The following DCC variants were observed in gnomAD, a reference collection of about 807,000 sequenced individuals.
DCC encodes netrin receptor DCC.
A neutral mutation model predicts 172.5 loss-of-function variants in DCC; 58 were observed. The ratio of observed to expected loss-of-function variants is 0.34; its 90% CI spans 0.27 to 0.42. The LOEUF (loss-of-function observed/expected upper bound fraction) is 0.42. DCC is among the 10% of genes least tolerant of loss of function. The pLI, the probability that DCC is intolerant of heterozygous loss-of-function variation, is 1.00. For missense variants in DCC, 1,740 were observed against 1,791.0 expected, an observed-to-expected ratio of 0.97 and a Z score of 0.51; for synonymous variants, 709 against 644.5, an observed-to-expected ratio of 1.10 and a Z score of -1.52.
At chr18:52,784,910 G>A (rs958204680) in intron 2 of DCC, among the ~76,000 whole-genome samples, 2 of 144,002 alleles carry the variant, frequency 1.4e-5, no homozygotes, top group Non-Finnish European at 3.0e-5. Flanking sequence ...GGTGGAGGGG[G>A]AGAGAGAGAG....
At chr18:53,477,125 C>A (rs990935701) in intron 25 of DCC, among the ~76,000 whole-genome samples, 1 of 152,170 alleles carries the variant, frequency 6.6e-6, no homozygotes, top group African/African-American at 2.4e-5. Flanking sequence ...CTTCCTGCCT[C>A]AGCCCCCTGA....
intron 17 of DCC, among the ~76,000 whole-genome samples, chr18:53,395,015 G>A (rs756441317): frequency 2.6e-5 from 4 of 151,720 alleles, no homozygotes; most frequent in African/African-American, 9.7e-5. Flanking sequence ...GTGGTGGGGG[G>A]GCGGGGCGCC....
At position 53,364,472 on chromosome 18, in the gene DCC, G is replaced by T. The variant is rs556525944; in HGVS notation, c.2360-21571G>T. Among the ~76,000 whole-genome samples, 5 of 152,096 alleles carry T rather than the reference G, an allele frequency of 3.3e-5. No individual in the cohort carries two copies. In the East Asian group the frequency reaches 9.7e-4, roughly 29 times the overall value. On this transcript the variant is annotated intron_variant, in intron 15 of 28. Transcript: ENST00000442544. The stretch of plus-strand genomic sequence containing the variant: ...GATTTTCTCATGAGAAAGAAATGAA[G>T]TATGATCAGAGAGAGAACACTGTGA...
chr18:52,704,935 G>A (rs754414475), intron 1 of DCC, among the ~76,000 whole-genome samples: 31 of 152,088 alleles, frequency 2.0e-4, no homozygotes, highest in Non-Finnish European at 4.1e-4. Context: ...TGGCCCTAAG[G>A]TATGGCTAAT....
chr18:53,521,903 G>A (rs1243513135), intron 27 of DCC, among the ~76,000 whole-genome samples: 1 of 152,120 alleles, frequency 6.6e-6, no homozygotes, highest in East Asian at 1.9e-4. Flanking sequence ...TGCAGCTGCT[G>A]TGTTAAACAT....
intron 1 of DCC, among the ~76,000 whole-genome samples, chr18:52,439,451 G>A (rs770814187): frequency 1.3e-5 from 2 of 152,046 alleles, no homozygotes; most frequent in African/African-American, 4.8e-5. Flanking sequence ...TGGCCTTAGG[G>A]TGAGGCATCT....
At chr18:52,738,999 CG>C (rs1458446849) in intron 1 of DCC, among the ~76,000 whole-genome samples, 2 of 151,958 alleles carry the variant, frequency 1.3e-5, no homozygotes, top group African/African-American at 4.8e-5. Context: ...CCTCTCACCT[CG>C]GCCTCCCTAA....
intron 12 of DCC, among the ~76,000 whole-genome samples, chr18:53,233,899 C>G (rs374651079): frequency 1.3e-5 from 2 of 151,438 alleles, no homozygotes; most frequent in Non-Finnish European, 2.9e-5. Context: ...GGATCACCTG[C>G]GGTCAGGAGT....
At chr18:53,501,278 TTTAGGCACAAGGAAAC>T (rs1170756867) in intron 27 of DCC, among the ~76,000 whole-genome samples, 1 of 152,134 alleles carries the variant, frequency 6.6e-6, no homozygotes, top group African/African-American at 2.4e-5. Context: ...TTAACCCCAT[TTTAGGCACAAGGAAAC>T]TGAGACACAG....
chr18:53,212,585 T>TA lies in DCC; in HGVS notation c.1862-2956dup, dbSNP rs201595364. On this transcript the variant is annotated intron_variant, in intron 11 of 28. Transcript: ENST00000442544. The stretch of plus-strand genomic sequence containing the variant: ...AAAGTTAGAGAAGAAATGTGCACTG[T>TA]AAAAAAATACAGAAAAACTACTTCA... Among the ~76,000 whole-genome samples the TA allele has an allele frequency of 5.3e-4, 80 of 151,946 alleles. No homozygotes were observed. The East Asian group carries it at 0.011, about 21-fold the overall frequency.
chr18:52,492,224 T>C (rs1045484144), intron 1 of DCC, among the ~76,000 whole-genome samples: 1 of 151,948 alleles, frequency 6.6e-6, no homozygotes, highest in African/African-American at 2.4e-5. Context: ...GTAGTGGGAC[T>C]GGTGAACATT....
intron 1 of DCC, among the ~76,000 whole-genome samples, chr18:52,553,733 T>G (rs1424315031): frequency 6.6e-6 from 1 of 151,998 alleles, no homozygotes; most frequent in Non-Finnish European, 1.5e-5. Context: ...GGAGGATTAA[T>G]AGAAAGGATG....
At chr18:52,967,333 T>C (rs2040951427) in intron 5 of DCC, among the ~76,000 whole-genome samples, 1 of 152,192 alleles carries the variant, frequency 6.6e-6, no homozygotes, top group African/African-American at 2.4e-5. Flanking sequence ...TGAGTATGGT[T>C]GGCCTGCCTA....
chr18:52,861,601 T>C (rs2039143211), intron 2 of DCC, among the ~76,000 whole-genome samples: 1 of 152,160 alleles, frequency 6.6e-6, no homozygotes, highest in African/African-American at 2.4e-5. Context: ...TATAAAGAAA[T>C]AATTCTTGAC....
chr18:52,354,219 G>C (rs1481654580), intron 1 of DCC, among the ~76,000 whole-genome samples: 1 of 152,142 alleles, frequency 6.6e-6, no homozygotes. Context: ...ACAGCCCCAG[G>C]TAAACTGGAA....
Position 52,612,561 on chromosome 18 carries a change from A to G in DCC, c.92-139493A>G, listed in dbSNP as rs76962909. Among the ~76,000 whole-genome samples, 1,350 of 151,512 alleles carry G rather than the reference A, an allele frequency of 8.9e-3. 11 individuals carry two copies. The highest frequency in any genetic ancestry group is 0.014 in the Non-Finnish European group (974 of 67,962). On this transcript the variant is annotated intron_variant, in intron 1 of 28. Transcript: ENST00000442544. Reference sequence around the variant, plus strand: ...GAGTGTAAATTCTTCAGTTTGACTGAGCAGGCATTAACATGACTGAACCCC... The same window carrying G: ...GAGTGTAAATTCTTCAGTTTGACTGGGCAGGCATTAACATGACTGAACCCC...
intron 12 of DCC, among the ~76,000 whole-genome samples, chr18:53,216,084 T>C (rs541665116): frequency 6.6e-6 from 1 of 152,336 alleles, no homozygotes; most frequent in Admixed American, 6.5e-5. Context: ...TACAGTTATA[T>C]TTATGTAGCG....
chr18:52,357,895 G>A (rs532626595), intron 1 of DCC, among the ~76,000 whole-genome samples: 37 of 146,672 alleles, frequency 2.5e-4, no homozygotes, highest in African/African-American at 6.5e-4. Flanking sequence ...CTGAGATCGC[G>A]CCACTGCACT....
chr18:52,841,130 G>C (rs969809140), intron 2 of DCC, among the ~76,000 whole-genome samples: 12 of 152,068 alleles, frequency 7.9e-5, no homozygotes, highest in African/African-American at 2.9e-4. Context: ...GGTAAGACTT[G>C]GAGTGATGGT....
Sources: allele counts gnomAD v4.1 joint callset (sites outside exome capture counted in the v4.1 genomes callset), GRCh38; gene constraint gnomAD v4.1.1; transcripts MANE v1.5; gene names NCBI Gene and HGNC (gene_info 2026-07-23, HGNC 2026-07-21).